Variants in PCDHA10 observed in about 807,000 individuals in gnomAD.
PCDHA10 encodes protocadherin alpha-10.
A neutral mutation model predicts 61.2 loss-of-function variants in PCDHA10; 45 were observed. The ratio of observed to expected loss-of-function variants is 0.74; its 90% CI spans 0.58 to 0.94. The LOEUF (loss-of-function observed/expected upper bound fraction) is 0.94, where lower values mean the gene tolerates loss of function less well. Among genes scored for constraint, PCDHA10 ranks in the 40% least tolerant of loss-of-function variants. The pLI is 0.00. For missense variants in PCDHA10, 1,278 were observed against 1,236.2 expected (o/e 1.03, Z -0.51); for synonymous variants, 602 against 548.8 (o/e 1.10, Z -1.35).
At chr5:140,923,495 C>T (rs1274980788) in intron 1 of PCDHA10, among the ~76,000 whole-genome samples, 2 of 152,060 alleles carry the variant, frequency 1.3e-5, no homozygotes, top group African/African-American at 4.8e-5. Context: ...CACCACTGCA[C>T]TCCAGCCTGG....
At chr5:140,954,119 C>A (rs547590061) in intron 1 of PCDHA10, among the ~76,000 whole-genome samples, 1 of 152,274 alleles carries the variant, frequency 6.6e-6, no homozygotes, top group African/African-American at 2.4e-5. Flanking sequence ...AGATCTTGTT[C>A]CTTTTTATGG....
At chr5:140,893,634 T>C (rs2064095604) in intron 1 of PCDHA10, among the ~76,000 whole-genome samples, 1 of 152,236 alleles carries the variant, frequency 6.6e-6, no homozygotes, top group Admixed American at 6.5e-5. Flanking sequence ...CTGCTTGGTA[T>C]AGTATTTTTG....
intron 1 of PCDHA10, chr5:140,883,465 C>T: frequency 6.2e-7 from 1 of 1,614,156 alleles, no homozygotes; most frequent in South Asian, 1.1e-5. Context: ...AGCTGGTGTC[C>T]ACCTACAAGA....
At chr5:140,904,560 T>G (rs2071228381) in intron 1 of PCDHA10, among the ~76,000 whole-genome samples, 1 of 152,102 alleles carries the variant, frequency 6.6e-6, no homozygotes, top group African/African-American at 2.4e-5. Flanking sequence ...AATGACTTTT[T>G]TTTCCTCTGG....
At chr5:140,865,937 T>C (rs529378074) in intron 1 of PCDHA10, 1 of 152,212 alleles carries the variant, frequency 6.6e-6, no homozygotes, top group Admixed American at 6.5e-5. Context: ...AGAAACTTCA[T>C]GATTGTCTTC....
intron 1 of PCDHA10, chr5:140,929,554 C>A (rs899446101): frequency 6.1e-6 from 3 of 488,410 alleles, no homozygotes; most frequent in African/African-American, 4.0e-5. Flanking sequence ...AAAATTAAAA[C>A]CTATTTAAGA....
intron 1 of PCDHA10, among the ~76,000 whole-genome samples, chr5:140,886,840 A>G (rs1175023921): frequency 4.0e-5 from 6 of 151,546 alleles, no homozygotes; most frequent in South Asian, 2.1e-4. Context: ...AAAAAAAAAA[A>G]AAAAAAAGAA....
intron 3 of PCDHA10, among the ~76,000 whole-genome samples, chr5:140,993,108 G>A (rs1554253416): frequency 6.6e-6 from 1 of 152,202 alleles, no homozygotes; most frequent in African/African-American, 2.4e-5. Flanking sequence ...TCAGCGGTCA[G>A]TGTCACATCA....
intron 3 of PCDHA10, among the ~76,000 whole-genome samples, chr5:141,000,634 G>A (rs1554257716): frequency 6.6e-6 from 1 of 150,928 alleles, no homozygotes; most frequent in Non-Finnish European, 1.5e-5. Context: ...CACCATGTTG[G>A]GCAGGCTGGT....
rs551245842 is a variant in PCDHA10, at chr5:140,927,508, C to G, written c.2389-51441C>G. 3.7e-6 allele frequency: 6 copies of G among 1,614,074 alleles called. No individual in the cohort carries two copies. In the Admixed American group the frequency reaches 5.0e-5, roughly 13 times the overall value. ...CACCCACCTGCTGGTGCTTACAGCT[C>G]GGGACGGCGGGCTACCTGCCCGCTC... On this transcript the variant is annotated intron_variant, in intron 1 of 3. Coordinates refer to ENST00000307360, the MANE Select transcript of PCDHA10 (RefSeq NM_018901.4).
intron 3 of PCDHA10, among the ~76,000 whole-genome samples, chr5:140,983,126 G>A (rs1466016868): frequency 6.6e-6 from 1 of 152,206 alleles, no homozygotes; most frequent in African/African-American, 2.4e-5. Context: ...ACATTCTGCA[G>A]ACTGACTTTT....
At chr5:140,966,889 C>T in intron 1 of PCDHA10, 1 of 1,593,902 alleles carries the variant, frequency 6.3e-7, no homozygotes, top group Non-Finnish European at 8.5e-7. Flanking sequence ...GCCCTGCGGC[C>T]TCCCAGCTGC....
chr5:140,869,663 A>G (rs782419090), intron 1 of PCDHA10: 5 of 1,613,538 alleles, frequency 3.1e-6, no homozygotes, highest in Non-Finnish European at 4.2e-6. Flanking sequence ...ACAAATGGTA[A>G]GCAGATTAAA....
chr5:140,928,368 A>G, intron 1 of PCDHA10: 3 of 1,614,212 alleles, frequency 1.9e-6, no homozygotes, highest in Non-Finnish European at 2.5e-6. Context: ...CTGAAGGGCC[A>G]TCAGCCTCTA....
At chr5:140,941,241 T>TTCTTTCTTTCTTTCTTTCTTTC in intron 1 of PCDHA10, among the ~76,000 whole-genome samples, 2 of 140,458 alleles carry the variant, frequency 1.4e-5, no homozygotes, top group South Asian at 4.5e-4. Context: ...CTTTCTTTCT[T>TTCTTTCTTTCTTTCTTTCTTTC]TCTTTCTTTC....
At chr5:140,920,910 A>C (rs2153559145) in intron 1 of PCDHA10, among the ~76,000 whole-genome samples, 1 of 151,920 alleles carries the variant, frequency 6.6e-6, no homozygotes, top group East Asian at 1.9e-4. Context: ...TTCTCAAATC[A>C]GTTCCAAGAG....
chr5:140,966,516 G>A (rs967570115), intron 1 of PCDHA10: 27 of 436,614 alleles, frequency 6.2e-5, no homozygotes, highest in Admixed American at 4.4e-4. Flanking sequence ...GCAGCAGCAG[G>A]AAGCCGAGCC....
At chr5:140,956,701 G>A (rs549659732) in intron 1 of PCDHA10, among the ~76,000 whole-genome samples, 30 of 152,256 alleles carry the variant, frequency 2.0e-4, no homozygotes, top group Admixed American at 1.4e-3. Context: ...CCATTGTTTG[G>A]AATAGCTTCA....
intron 1 of PCDHA10, chr5:140,881,915 C>G (rs1431128063): frequency 1.7e-5 from 4 of 240,684 alleles, no homozygotes; most frequent in African/African-American, 8.9e-5. Flanking sequence ...AAATGTTGAG[C>G]AGAATGCAGT....
Sources: gnomAD v4.1 joint callset for allele counts (sites outside exome capture counted in the v4.1 genomes callset) on GRCh38, gnomAD v4.1.1 for gene constraint, MANE v1.5 for transcripts, NCBI Gene and HGNC (gene_info 2026-07-23, HGNC 2026-07-21) for gene names.